Variants in MYO1D observed in about 807,000 individuals in gnomAD.
The protein encoded by MYO1D is unconventional myosin-Id.
A neutral mutation model predicts 122.0 loss-of-function variants in MYO1D; 83 were observed. The observed-to-expected ratio is 0.68, with a 90% CI of 0.57 to 0.82. The LOEUF (loss-of-function observed/expected upper bound fraction) is 0.82. MYO1D is among the 40% of genes least tolerant of loss of function. The pLI is 0.00. For missense variants in MYO1D, 1,157 were observed against 1,269.5 expected (o/e 0.91, Z 1.35); for synonymous variants, 464 against 446.9 (o/e 1.04, Z -0.48).
intron 21 of MYO1D, among the ~76,000 whole-genome samples, chr17:32,578,364 A>G (rs2087298183): frequency 6.6e-6 from 1 of 152,212 alleles, no homozygotes; most frequent in Non-Finnish European, 1.5e-5. Flanking sequence ...AGGATCAAAC[A>G]CCCACATTTA....
At chr17:32,738,231 A>G (rs760991747) in intron 14 of MYO1D, 22 bp downstream of exon 14, 126 of 1,557,932 alleles carry the variant, frequency 8.1e-5, no homozygotes, top group Non-Finnish European at 9.7e-5. Context: ...TAAAATGGAT[A>G]TTTAGAAAAG....
chr17:32,797,266 G>C (rs1206478560), intron 1 of MYO1D, among the ~76,000 whole-genome samples: 1 of 152,222 alleles, frequency 6.6e-6, no homozygotes, highest in Non-Finnish European at 1.5e-5. Context: ...ATCACACCTG[G>C]CCTGCTGCAT....
chr17:32,527,288 C>T (rs1054814028), intron 21 of MYO1D, among the ~76,000 whole-genome samples: 5 of 152,214 alleles, frequency 3.3e-5, no homozygotes, highest in Non-Finnish European at 5.9e-5. Flanking sequence ...GCCAAACCCA[C>T]CCTGCATGCT....
intron 16 of MYO1D, among the ~76,000 whole-genome samples, chr17:32,690,958 G>A (rs986167468): frequency 3.0e-4 from 46 of 152,024 alleles, no homozygotes; most frequent in African/African-American, 9.9e-4. Context: ...AAGTACAGTC[G>A]CTCTAGTGGG....
chr17:32,608,645 T>C (rs2087660484), intron 20 of MYO1D, among the ~76,000 whole-genome samples: 1 of 152,230 alleles, frequency 6.6e-6, no homozygotes, highest in African/African-American at 2.4e-5. Flanking sequence ...ATCTCACTCC[T>C]AGGCACATAT....
At chr17:32,739,162 T>C (rs1223660985) in intron 13 of MYO1D, among the ~76,000 whole-genome samples, 1 of 152,186 alleles carries the variant, frequency 6.6e-6, no homozygotes, top group African/African-American at 2.4e-5. Context: ...GTTAAAGCAG[T>C]TGGAACTCAA....
intron 21 of MYO1D, among the ~76,000 whole-genome samples, chr17:32,535,759 A>G (rs1009024589): frequency 3.9e-5 from 6 of 152,218 alleles, no homozygotes; most frequent in Admixed American, 6.5e-5. Context: ...TCAACAAAAC[A>G]AAACAAAACA....
At chr17:32,562,360 C>CATAATTTCATATCATTTAGAT (rs59094872) in intron 21 of MYO1D, among the ~76,000 whole-genome samples, 1 of 151,936 alleles carries the variant, frequency 6.6e-6, no homozygotes, top group African/African-American at 2.4e-5. Flanking sequence ...TATTTCATTT[C>CATAATTTCATATCATTTAGAT]ATTCTTTAAT....
chr17:32,665,737 C>G (rs1324386395), intron 16 of MYO1D, among the ~76,000 whole-genome samples: 2 of 152,202 alleles, frequency 1.3e-5, no homozygotes, highest in African/African-American at 4.8e-5. Flanking sequence ...ATCGTTGGCC[C>G]TCCACTCTCA....
intron 12 of MYO1D, chr17:32,745,626 A>G (rs940191872): frequency 1.9e-4 from 38 of 195,422 alleles, no homozygotes; most frequent in African/African-American, 9.0e-4. Flanking sequence ...ATCCGTAGGG[A>G]GGTCAAGTGA....
At chr17:32,659,566 T>A in intron 16 of MYO1D, 1 of 560,300 alleles carries the variant, frequency 1.8e-6, no homozygotes, top group Non-Finnish European at 3.2e-6. Context: ...TATTCTACAC[T>A]GAAGTGTGTG....
intron 19 of MYO1D, among the ~76,000 whole-genome samples, chr17:32,641,653 G>A (rs1416031436): frequency 6.6e-6 from 1 of 152,202 alleles, no homozygotes; most frequent in Non-Finnish European, 1.5e-5. Flanking sequence ...GCATCTCATT[G>A]TGGTTTTGAT....
intron 3 of MYO1D, among the ~76,000 whole-genome samples, chr17:32,777,891 G>A (rs779408027): frequency 3.3e-5 from 5 of 152,140 alleles, no homozygotes; most frequent in Non-Finnish European, 5.9e-5. Context: ...CTGAGATCGC[G>A]CCACTGCACT....
rs541861614 is a variant in MYO1D at position 32,786,030 on chromosome 17, A to T, written c.96-5246T>A. ...GATTGTGAAAAGCTATGAAAACTAG[A>T]CCTAGTTGAGGCAGGTTGCTAAGAC... is the stretch of plus-strand genomic sequence containing the variant. On this transcript the variant is annotated intron_variant, in intron 1 of 21. Coordinates refer to ENST00000318217, the MANE Select transcript of MYO1D (RefSeq NM_015194.3). 7.2e-5 allele frequency among the ~76,000 whole-genome samples: 11 copies of T among 152,296 alleles called. No homozygotes were observed. In the South Asian group the frequency reaches 2.3e-3, roughly 32 times the overall value.
chr17:32,544,264 T>C (rs1418289711), intron 21 of MYO1D, among the ~76,000 whole-genome samples: 1 of 139,126 alleles, frequency 7.2e-6, no homozygotes, highest in South Asian at 2.3e-4. Context: ...CCCAGCTAAT[T>C]AAAAAAAAAA....
intron 15 of MYO1D, among the ~76,000 whole-genome samples, chr17:32,718,745 C>T (rs2089475558): frequency 3.9e-5 from 6 of 152,064 alleles, no homozygotes; most frequent in Non-Finnish European, 8.8e-5. Context: ...GTAACATAAT[C>T]CTCTTCTGGT....
intron 21 of MYO1D, among the ~76,000 whole-genome samples, chr17:32,596,508 G>T (rs2087494320): frequency 6.6e-6 from 1 of 152,232 alleles, no homozygotes; most frequent in Non-Finnish European, 1.5e-5. Flanking sequence ...GCCAGCAACT[G>T]CTGGCCTGCT....
At position 32,760,614 on chromosome 17, in the gene MYO1D, C is replaced by A; in HGVS notation, c.1049G>T (p.Arg350Leu). The A allele has an allele frequency of 6.2e-7, 1 of 1,608,292 alleles. No individual in the cohort carries two copies. The highest frequency in any genetic ancestry group is 8.5e-7 in the Non-Finnish European group (1 of 1,177,876). Residue 350 changes from arginine (R) to leucine (L), a missense_variant, in exon 9 of 22, where the codon CGC becomes CTC. Arg to Leu is a moderately radical substitution (Grantham distance 102). Coordinates refer to ENST00000318217, the MANE Select transcript of MYO1D (RefSeq NM_015194.3). Reference sequence around the variant, plus strand: ...GCGAGTAACGATCCAACAAAAAAGGCGCTCATATATTGCCTGCAAGGAAAA... The same window carrying A: ...GCGAGTAACGATCCAACAAAAAAGGAGCTCATATATTGCCTGCAAGGAAAA... ...RDAFAKAIYERLFCWIVTRIN... is the reference protein window; with the variant it reads ...RDAFAKAIYELLFCWIVTRIN...
intron 21 of MYO1D, among the ~76,000 whole-genome samples, chr17:32,592,595 G>C (rs2087448271): frequency 6.6e-6 from 1 of 152,088 alleles, no homozygotes; most frequent in Non-Finnish European, 1.5e-5. Flanking sequence ...TGGTACTACA[G>C]TGGTGGATAC....
Sources: allele counts gnomAD v4.1 joint callset (sites outside exome capture counted in the v4.1 genomes callset), GRCh38; gene constraint gnomAD v4.1.1; transcripts MANE v1.5; gene names NCBI Gene and HGNC (gene_info 2026-07-23, HGNC 2026-07-21).